The following BGLAP variants were observed in gnomAD, a reference collection of about 807,000 sequenced individuals.
BGLAP encodes the protein osteocalcin.
Under a neutral mutation model 13.7 loss-of-function variants are expected in BGLAP, and 15 were observed. The ratio of observed to expected loss-of-function variants is 1.09; its 90% CI spans 0.73 to 1.68. The LOEUF is 1.68. Among genes scored for constraint, BGLAP ranks in the 40% most tolerant of loss-of-function variants. The pLI is 0.00. For missense variants in BGLAP, 120 were observed against 134.3 expected, an observed-to-expected ratio of 0.89 and a Z score of 0.53; for synonymous variants, 67 against 56.2, an observed-to-expected ratio of 1.19 and a Z score of -0.86.
Position 156,242,208 on chromosome 1 carries a change from G to T in BGLAP, c.-24G>T. The stretch of plus-strand genomic sequence containing the variant: ...CAGGCCAGCTGAGTCCTGAGCAGCA[G>T]CCCAGCGCAGCCACCGAGACACCAT... On this transcript the variant is annotated 5_prime_UTR_variant, in exon 1 of 4. Coordinates refer to ENST00000368272, the MANE Select transcript of BGLAP (RefSeq NM_199173.6). The T allele has an allele frequency of 6.2e-7, 1 of 1,608,434 alleles. No homozygotes were observed. Among genetic ancestry groups the T allele is most frequent in the East Asian group, 2.2e-5 (1 of 44,588 alleles).
In BGLAP at chr1:156,242,797, A is replaced by G; in HGVS notation, c.139A>G (p.Lys47Glu). Residue 47 changes from lysine (K) to glutamate (E), a missense_variant, in exon 3 of 4, where the codon AAG becomes GAG. Transcript: ENST00000368272. ...VSKQEGSEVVKRPRRYLYQWL... is the reference protein window; with the variant it reads ...VSKQEGSEVVERPRRYLYQWL... The stretch of plus-strand genomic sequence containing the variant: ...CAAGCAGGAGGGCAGCGAGGTAGTG[A>G]AGAGACCCAGGCGCTACCTGTATCA... 1 of 1,602,146 alleles carries G rather than the reference A, an allele frequency of 6.2e-7. No individual in the cohort carries two copies. Among genetic ancestry groups the G allele is most frequent in the Non-Finnish European group, 8.5e-7 (1 of 1,173,116 alleles).
chr1:156,242,906 G>A (rs904937527), intron 3 of BGLAP, 75 bp downstream of exon 3: 1 of 1,572,014 alleles, frequency 6.4e-7, no homozygotes, highest in Admixed American at 1.8e-5. Context: ...AGCAGGGAGT[G>A]GCCTCTCTGG....
Position 156,243,154 on chromosome 1 carries a change from CCGGTCTAGGGTGT to C in BGLAP, c.298_*7del. The C allele has an allele frequency of 6.2e-7, 1 of 1,613,850 alleles. No individual in the cohort carries two copies. Among genetic ancestry groups the C allele is most frequent in the Non-Finnish European group, 8.5e-7 (1 of 1,179,966 alleles). ...GGAGGCCTATCGGCGCTTCTACGGC[CCGGTCTAGGGTGT>C]CGCTCTGCTGGCCTGGCCGGCAACC... is the stretch of plus-strand genomic sequence containing the variant. On this transcript the variant is annotated stop_lost and 3_prime_UTR_variant, in exon 4 of 4. Transcript: ENST00000368272.
rs774492980 is a variant in BGLAP at position 156,243,192 on chromosome 1, C to T, written c.*30C>T. The T allele has an allele frequency of 2.5e-6, 4 of 1,611,404 alleles. No homozygotes were observed. Among genetic ancestry groups the T allele is most frequent in the East Asian group, 4.5e-5 (2 of 44,844 alleles). The stretch of plus-strand genomic sequence containing the variant: ...TCGCTCTGCTGGCCTGGCCGGCAAC[C>T]CCAGTTCTGCTCCTCTCCAGGCACC... On this transcript the variant is annotated 3_prime_UTR_variant, in exon 4 of 4. Coordinates refer to ENST00000368272, the MANE Select transcript of BGLAP (RefSeq NM_199173.6).
chr1:156,243,019 G>T lies in BGLAP; in HGVS notation c.174-14G>T, dbSNP rs367917157. 49 of 1,613,852 alleles carry T rather than the reference G, an allele frequency of 3.0e-5. No homozygotes were observed. Among genetic ancestry groups the T allele is most frequent in the East Asian group, 1.1e-4 (5 of 44,894 alleles). The stretch of plus-strand genomic sequence containing the variant: ...TTTGCACGGGGGCTGATGCCACCAC[G>T]TCGGGTGTCTCAGAGCCCCAGTCCC... On this transcript the variant is annotated splice_polypyrimidine_tract_variant and intron_variant, in intron 3 of 3. Coordinates refer to ENST00000368272, the MANE Select transcript of BGLAP (RefSeq NM_199173.6).
In BGLAP at chr1:156,243,266, A is replaced by C; in HGVS notation, c.*104A>C. On this transcript the variant is annotated 3_prime_UTR_variant, in exon 4 of 4. Transcript: ENST00000368272. ...TTGCCCTGACCTCCCAGCCCTATGG[A>C]TGTGGGGTCCCCATCATCCCAGCTG... The C allele has an allele frequency of 1.4e-5, 22 of 1,548,196 alleles. No homozygotes were observed. In the South Asian group the frequency reaches 2.6e-4, roughly 18 times the overall value.
chr1:156,243,164 G>A lies in BGLAP; in HGVS notation c.*2G>A. On this transcript the variant is annotated 3_prime_UTR_variant, in exon 4 of 4. Transcript: ENST00000368272. ...CGGCGCTTCTACGGCCCGGTCTAGG[G>A]TGTCGCTCTGCTGGCCTGGCCGGCA... 6.2e-7 allele frequency: 1 copy of A among 1,613,522 alleles called. No individual in the cohort carries two copies. Among genetic ancestry groups the A allele is most frequent in the Non-Finnish European group, 8.5e-7 (1 of 1,179,962 alleles).
At position 156,243,269 on chromosome 1, in the gene BGLAP, T is replaced by TG. The variant is rs1558204361; in HGVS notation, c.*111dup. The stretch of plus-strand genomic sequence containing the variant: ...CCCTGACCTCCCAGCCCTATGGATG[T>TG]GGGGTCCCCATCATCCCAGCTGCTC... On this transcript the variant is annotated 3_prime_UTR_variant, in exon 4 of 4. Transcript: ENST00000368272. The TG allele has an allele frequency of 6.5e-7, 1 of 1,539,328 alleles. No individual in the cohort carries two copies. The highest frequency in any genetic ancestry group is 8.8e-7 in the Non-Finnish European group (1 of 1,140,526).
chr1:156,242,908 C>A, intron 3 of BGLAP, 77 bp downstream of exon 3: 1 of 1,572,652 alleles, frequency 6.4e-7, no homozygotes, highest in Non-Finnish European at 8.6e-7. Flanking sequence ...CAGGGAGTGG[C>A]CTCTCTGGGT....
chr1:156,242,677 G>A lies in BGLAP; in HGVS notation c.104-85G>A. On this transcript the variant is annotated intron_variant, in intron 2 of 3. Transcript: ENST00000368272. ...CATTCCCCCACTCCTGCCACCTCCT[G>A]TCTGGCCATCAGGAAGGCCAGCCTG... The A allele has an allele frequency of 2.5e-6, 4 of 1,609,528 alleles. No individual in the cohort carries two copies. The Admixed American group carries it at 6.7e-5, about 27-fold the overall frequency.
At chr1:156,242,402 C>G in intron 1 of BGLAP, 107 bp downstream of exon 1, 1 of 1,543,868 alleles carries the variant, frequency 6.5e-7, no homozygotes, top group Middle Eastern at 1.7e-4. Flanking sequence ...CCTTTGCAGT[C>G]TAACCACCTT....
At chr1:156,242,904 G>A in intron 3 of BGLAP, 73 bp downstream of exon 3, 2 of 1,573,328 alleles carry the variant, frequency 1.3e-6, no homozygotes, top group Non-Finnish European at 1.7e-6. Context: ...GCAGCAGGGA[G>A]TGGCCTCTCT....
Position 156,242,292 on chromosome 1 carries a change from G to T in BGLAP, c.61G>T (p.Ala21Ser), listed in dbSNP as rs749691194. 3.7e-6 allele frequency: 6 copies of T among 1,612,602 alleles called. No individual in the cohort carries two copies. In the African/African-American group the frequency reaches 8.0e-5, roughly 22 times the overall value. ...GGCCGCACTTTGCATCGCTGGCCAG[G>T]CAGGTGAGTGCCCCCACCTCCCCTC... ...ALAALCIAGQ[A>S]GAKPSGAESS... The change falls in exon 1 of 4, where the codon GCA (alanine) becomes TCA (serine). Residue 21 changes from alanine (A) to serine (S), a missense_variant. By Grantham distance (99) the Ala-to-Ser change is moderately conservative. Transcript: ENST00000368272.
At chr1:156,242,521 C>G in intron 1 of BGLAP, 32 bp from the exon 2 acceptor site, 18 of 1,551,748 alleles carry the variant, frequency 1.2e-5, no homozygotes, top group Middle Eastern at 3.3e-4. Context: ...TGGGGATGAG[C>G]TGGGGTGAAC....
At position 156,243,232 on chromosome 1, in the gene BGLAP, C is replaced by T. The variant is rs1410440379; in HGVS notation, c.*70C>T. The T allele has an allele frequency of 6.3e-7, 1 of 1,591,684 alleles. No homozygotes were observed. Among genetic ancestry groups the T allele is most frequent in the Non-Finnish European group, 8.5e-7 (1 of 1,171,734 alleles). On this transcript the variant is annotated 3_prime_UTR_variant, in exon 4 of 4. Coordinates refer to ENST00000368272, the MANE Select transcript of BGLAP (RefSeq NM_199173.6). ...CTCCAGGCACCCTTCTTTCCTCTTC[C>T]CCTTGCCCTTGCCCTGACCTCCCAG...
intron 1 of BGLAP, 33 bp downstream of exon 1, chr1:156,242,328 G>A (rs1283412479): frequency 1.9e-6 from 3 of 1,607,968 alleles, no homozygotes; most frequent in Non-Finnish European, 2.5e-6. Flanking sequence ...AGGCCGCATT[G>A]CAGTGGGGGC....
rs1558201798 is a variant in BGLAP at position 156,242,249 on chromosome 1, C to T, written c.18C>T (p.Leu6=). The part of the protein sequence containing the change: MRALT[L]LALLALAALC... ...GAGACACCATGAGAGCCCTCACACT[C>T]CTCGCCCTATTGGCCCTGGCCGCAC... Residue 6 remains leucine (L), a synonymous_variant, in exon 1 of 4, where the codon CTC becomes CTT. Coordinates refer to ENST00000368272, the MANE Select transcript of BGLAP (RefSeq NM_199173.6). The T allele has an allele frequency of 6.2e-7, 1 of 1,613,588 alleles. No homozygotes were observed. The highest frequency in any genetic ancestry group is 8.5e-7 in the Non-Finnish European group (1 of 1,179,972).
Position 156,243,049 on chromosome 1 carries a change from C to T in BGLAP, c.190C>T (p.Pro64Ser). The T allele has an allele frequency of 1.2e-6, 2 of 1,614,152 alleles. No homozygotes were observed. Among genetic ancestry groups the T allele is most frequent in the Non-Finnish European group, 1.7e-6 (2 of 1,180,018 alleles). The part of the protein sequence containing the change: ...YQWLGAPVPY[P>S]DPLEPRREVC... Reference sequence around the variant, plus strand: ...GTGTCTCAGAGCCCCAGTCCCCTACCCGGATCCCCTGGAGCCCAGGAGGGA... The same window carrying T: ...GTGTCTCAGAGCCCCAGTCCCCTACTCGGATCCCCTGGAGCCCAGGAGGGA... The change falls in exon 4 of 4, where the codon CCG becomes TCG. Residue 64 changes from proline (P) to serine (S), a missense_variant. Physicochemically the swap from Pro to Ser is moderately conservative, Grantham distance 74. Transcript: ENST00000368272.
chr1:156,242,278 G>T lies in BGLAP; in HGVS notation c.47G>T (p.Cys16Phe). 1.2e-6 allele frequency: 2 copies of T among 1,613,358 alleles called. No homozygotes were observed. The highest frequency in any genetic ancestry group is 1.7e-6 in the Non-Finnish European group (2 of 1,179,910). ...GCCCTATTGGCCCTGGCCGCACTTT[G>T]CATCGCTGGCCAGGCAGGTGAGTGC... is the stretch of plus-strand genomic sequence containing the variant. Reference protein sequence around the residue: ...LLALLALAALCIAGQAGAKPS... With the variant: ...LLALLALAALFIAGQAGAKPS... The change falls in exon 1 of 4, where the codon TGC becomes TTC. Residue 16 changes from cysteine (C) to phenylalanine (F), a missense_variant. Coordinates refer to ENST00000368272, the MANE Select transcript of BGLAP (RefSeq NM_199173.6).
Sources: allele counts gnomAD v4.1 joint callset, GRCh38; gene constraint gnomAD v4.1.1; transcripts MANE v1.5; gene names NCBI Gene and HGNC (gene_info 2026-07-23, HGNC 2026-07-21).